Variants in ZBTB20 observed in about 807,000 individuals in gnomAD.
ZBTB20 encodes the protein zinc finger and BTB domain containing 20, also known as zinc finger and BTB domain-containing protein 20.
ZBTB20 carries 9 observed loss-of-function variants against 56.9 expected under a neutral mutation model. The observed-to-expected ratio is 0.16, with a 90% confidence interval of 0.10 to 0.28. The LOEUF (loss-of-function observed/expected upper bound fraction) is 0.28, where lower values mean the gene tolerates loss of function less well. Ranked by LOEUF, ZBTB20 falls within the 10% of genes least tolerant of loss-of-function variation. The pLI, the probability that ZBTB20 is intolerant of heterozygous loss-of-function variation, is 1.00. For missense variants in ZBTB20, 655 were observed against 1,003.0 expected, an observed-to-expected ratio of 0.65 and a Z score of 4.69; for synonymous variants, 417 against 420.7, an observed-to-expected ratio of 0.99 and a Z score of 0.11.
intron 4 of ZBTB20, among the ~76,000 whole-genome samples, chr3:114,896,863 TATA>T (rs1434867360): frequency 2.0e-5 from 3 of 152,118 alleles, no homozygotes; most frequent in African/African-American, 4.8e-5. Context: ...TCATGATTTT[TATA>T]ATATCTTCTA....
intron 4 of ZBTB20, among the ~76,000 whole-genome samples, chr3:114,803,809 C>G (rs1269872013): frequency 2.2e-5 from 3 of 137,198 alleles, no homozygotes; most frequent in Admixed American, 1.5e-4. Flanking sequence ...TTCAAATTCA[C>G]TACTGTACAC....
At chr3:114,507,569 C>T (rs1430959476) in intron 6 of ZBTB20, among the ~76,000 whole-genome samples, 1 of 152,078 alleles carries the variant, frequency 6.6e-6, no homozygotes, top group East Asian at 1.9e-4. Context: ...GATGAACATT[C>T]TAAATATGCA....
At chr3:114,480,595 G>A (rs1220694978) in intron 7 of ZBTB20, among the ~76,000 whole-genome samples, 4 of 152,188 alleles carry the variant, frequency 2.6e-5, no homozygotes, top group Non-Finnish European at 5.9e-5. Context: ...GCAAAGGGTG[G>A]TCAGGTTTGA....
At chr3:114,778,507 A>C (rs2069807823) in intron 5 of ZBTB20, among the ~76,000 whole-genome samples, 1 of 152,020 alleles carries the variant, frequency 6.6e-6, no homozygotes, top group African/African-American at 2.4e-5. Context: ...CTAAAAATAC[A>C]CCTGAACTCT....
rs574333779 is a variant in ZBTB20, at chr3:115,134,621, T to C, written c.-703+12598A>G. Among the ~76,000 whole-genome samples the C allele has an allele frequency of 3.9e-5, 6 of 152,334 alleles. No homozygotes were observed. The South Asian group carries it at 1.2e-3, about 32-fold the overall frequency. On this transcript the variant is annotated intron_variant, in intron 1 of 11. Coordinates refer to ENST00000675478, the MANE Select transcript of ZBTB20 (RefSeq NM_001348800.3). ...AATCCTGAGTTGTTCAAATGAGATATATTTAATATCTGAAATTATTTTCTG... is the reference window on the plus strand; with the variant it reads ...AATCCTGAGTTGTTCAAATGAGATACATTTAATATCTGAAATTATTTTCTG...
At chr3:115,064,595 G>C (rs186934243) in intron 2 of ZBTB20, among the ~76,000 whole-genome samples, 1 of 151,802 alleles carries the variant, frequency 6.6e-6, no homozygotes, top group South Asian at 2.1e-4. Context: ...AGGATTACAG[G>C]CATGTGCCAA....
chr3:115,046,615 A>G (rs1030964956), intron 2 of ZBTB20, among the ~76,000 whole-genome samples: 5 of 152,210 alleles, frequency 3.3e-5, no homozygotes, highest in Non-Finnish European at 7.4e-5. Context: ...AAATTATAGG[A>G]ATAGTTTTTA....
intron 3 of ZBTB20, among the ~76,000 whole-genome samples, chr3:114,955,534 C>T (rs773232596): frequency 2.0e-5 from 3 of 152,154 alleles, no homozygotes; most frequent in Non-Finnish European, 4.4e-5. Context: ...TTTCTTTTCA[C>T]ACTGCCCAAC....
intron 10 of ZBTB20, among the ~76,000 whole-genome samples, chr3:114,358,593 A>G (rs997483368): frequency 1.3e-5 from 2 of 152,158 alleles, no homozygotes; most frequent in Non-Finnish European, 2.9e-5. Flanking sequence ...GCCTGATTTT[A>G]TGTTAAGTCT....
intron 6 of ZBTB20, among the ~76,000 whole-genome samples, chr3:114,677,029 C>T (rs2061671924): frequency 6.6e-6 from 1 of 152,014 alleles, no homozygotes; most frequent in South Asian, 2.1e-4. Flanking sequence ...CCTCGGCCTC[C>T]CAAAGTGCTG....
intron 2 of ZBTB20, among the ~76,000 whole-genome samples, chr3:115,001,039 A>G (rs567223884): frequency 6.6e-6 from 1 of 151,186 alleles, no homozygotes; most frequent in Non-Finnish European, 1.5e-5. Flanking sequence ...CGAGGAAAAA[A>G]ATTATATCTG....
At chr3:114,979,218 G>A (rs2108077535) in intron 2 of ZBTB20, among the ~76,000 whole-genome samples, 1 of 152,052 alleles carries the variant, frequency 6.6e-6, no homozygotes, top group South Asian at 2.1e-4. Flanking sequence ...CATTTATACT[G>A]TGAACATACT....
At chr3:114,789,295 G>T (rs78259097) in intron 5 of ZBTB20, among the ~76,000 whole-genome samples, 4,897 of 152,254 alleles carry the variant, frequency 0.032, 134 homozygotes, top group African/African-American at 0.069. Context: ...TCTGGTTAGA[G>T]AAGCAGTCAC....
chr3:114,972,392 T>C (rs940066079), intron 3 of ZBTB20, among the ~76,000 whole-genome samples: 1 of 152,214 alleles, frequency 6.6e-6, no homozygotes, highest in Non-Finnish European at 1.5e-5. Context: ...GCATGTACCA[T>C]TGGTACCTGC....
At chr3:115,126,322 T>C (rs1462491789) in intron 1 of ZBTB20, among the ~76,000 whole-genome samples, 1 of 152,202 alleles carries the variant, frequency 6.6e-6, no homozygotes, top group Non-Finnish European at 1.5e-5. Flanking sequence ...GTAGACCATT[T>C]ATACATCTTA....
chr3:114,632,627 A>G (rs2059022835), intron 6 of ZBTB20, among the ~76,000 whole-genome samples: 1 of 152,204 alleles, frequency 6.6e-6, no homozygotes. Context: ...TTCGCTTGAA[A>G]GGTGTTATTT....
intron 4 of ZBTB20, among the ~76,000 whole-genome samples, chr3:114,822,477 A>G (rs962477123): frequency 2.6e-5 from 4 of 152,018 alleles, no homozygotes; most frequent in Non-Finnish European, 5.9e-5. Context: ...AATCCAACTC[A>G]ATTTAATAGG....
chr3:115,104,285 G>C (rs1464974709), intron 1 of ZBTB20, among the ~76,000 whole-genome samples: 1 of 152,190 alleles, frequency 6.6e-6, no homozygotes, highest in African/African-American at 2.4e-5. Flanking sequence ...TTGGAAGACA[G>C]TTTGGCAGTT....
intron 1 of ZBTB20, among the ~76,000 whole-genome samples, chr3:115,092,263 T>C (rs1056456398): frequency 7.2e-5 from 11 of 151,934 alleles, no homozygotes; most frequent in African/African-American, 2.7e-4. Flanking sequence ...TTTGTTGTTG[T>C]TTGTTTTTTT....
Sources: gnomAD v4.1 joint callset for allele counts (sites outside exome capture counted in the v4.1 genomes callset) on GRCh38, gnomAD v4.1.1 for gene constraint, MANE v1.5 for transcripts, NCBI Gene and HGNC (gene_info 2026-07-23, HGNC 2026-07-21) for gene names.